WARS2: variants seen among roughly 807,000 people sequenced by gnomAD.
WARS2 encodes tryptophanyl tRNA synthetase 2, mitochondrial, also known as tryptophan--tRNA ligase, mitochondrial.
Under a neutral mutation model 36.5 loss-of-function variants are expected in WARS2, and 28 were observed. That is an observed-to-expected ratio of 0.77 (90% CI 0.57 to 1.05). The LOEUF (loss-of-function observed/expected upper bound fraction) is 1.05. Ranked by LOEUF, WARS2 falls within the 50% of genes least tolerant of loss-of-function variation. WARS2 has a pLI of 0.00. For missense variants in WARS2, 435 were observed against 456.8 expected (o/e 0.95, Z 0.44); for synonymous variants, 174 against 178.4 (o/e 0.98, Z 0.20).
At chr1:119,138,723 C>T (rs901012544) in intron 1 of WARS2, among the ~76,000 whole-genome samples, 3 of 152,044 alleles carry the variant, frequency 2.0e-5, no homozygotes, top group African/African-American at 7.2e-5. Context: ...TTTTCAATGA[C>T]TGAAATTATA....
rs1469923019 is a variant in WARS2, at chr1:119,046,021, TCACACACTCACATACTCA to T, written c.349-377_349-360del. Among the ~76,000 whole-genome samples the T allele has an allele frequency of 1.4e-4, 22 of 152,102 alleles. No homozygotes were observed. The East Asian group carries it at 4.1e-3, about 28-fold the overall frequency. ...CACACACACACTCTCTCTCTCTCTA[TCACACACTCACATACTCA>T]CACACACTCACACACTGGTTCCAAG... On this transcript the variant is annotated intron_variant, in intron 2 of 5. Transcript: ENST00000235521.
At chr1:119,126,378 A>C (rs1173311339) in intron 1 of WARS2, among the ~76,000 whole-genome samples, 1 of 152,194 alleles carries the variant, frequency 6.6e-6, no homozygotes. Context: ...CTTTTTAAAA[A>C]CTTACATAAT....
At chr1:119,103,568 C>CT (rs1239592478) in intron 1 of WARS2, among the ~76,000 whole-genome samples, 1 of 151,926 alleles carries the variant, frequency 6.6e-6, no homozygotes, top group Non-Finnish European at 1.5e-5. Context: ...TGTACTTTAA[C>CT]TTTTTTGTAC....
chr1:119,059,729 G>T (rs921619877), intron 2 of WARS2, among the ~76,000 whole-genome samples: 94 of 152,220 alleles, frequency 6.2e-4, no homozygotes, highest in Non-Finnish European at 5.9e-5. Context: ...TTTTCATTGC[G>T]ATTGTGAGAA....
intron 4 of WARS2, among the ~76,000 whole-genome samples, chr1:119,041,083 T>C (rs1201969342): frequency 6.6e-6 from 1 of 152,244 alleles, no homozygotes; most frequent in Non-Finnish European, 1.5e-5. Flanking sequence ...AAGCAGCTGC[T>C]CTTTTGGCCG....
intron 1 of WARS2, among the ~76,000 whole-genome samples, chr1:119,088,147 T>A (rs1652802915): frequency 6.6e-6 from 1 of 152,038 alleles, no homozygotes; most frequent in Non-Finnish European, 1.5e-5. Context: ...CTGCAGAAAA[T>A]GAGGTACAGA....
chr1:119,140,627 C>T lies in WARS2; in HGVS notation c.18G>A (p.Met6Ile). The T allele has an allele frequency of 6.2e-7, 1 of 1,613,782 alleles. No homozygotes were observed. Among genetic ancestry groups the T allele is most frequent in the Non-Finnish European group, 8.5e-7 (1 of 1,179,814 alleles). The change falls in exon 1 of 6, where the codon ATG becomes ATA. Residue 6 changes from methionine to isoleucine, a missense_variant. Met to Ile is a conservative substitution (Grantham distance 10). Transcript: ENST00000235521. ...AGCTCCAGCGCTCACGCGCTTTCCGCATTGAGTGCAGCGCCATCTTGAGAA... is the reference window on the plus strand; with the variant it reads ...AGCTCCAGCGCTCACGCGCTTTCCGTATTGAGTGCAGCGCCATCTTGAGAA... MALHSMRKARERWSFI... is the reference protein window; with the variant it reads MALHSIRKARERWSFI...
intron 2 of WARS2, among the ~76,000 whole-genome samples, chr1:119,068,854 T>C (rs61312542): frequency 3.4e-5 from 5 of 148,718 alleles, no homozygotes; most frequent in East Asian, 2.0e-4. Context: ...CACACACACA[T>C]ACACACACAC....
intron 1 of WARS2, among the ~76,000 whole-genome samples, chr1:119,077,660 ATTAT>A: frequency 6.6e-6 from 1 of 152,208 alleles, no homozygotes; most frequent in East Asian, 1.9e-4. Flanking sequence ...ATTCTACATA[ATTAT>A]TTAAATTATA....
chr1:119,095,470 C>T (rs1037303755), intron 1 of WARS2, among the ~76,000 whole-genome samples: 1 of 152,160 alleles, frequency 6.6e-6, no homozygotes, highest in African/African-American at 2.4e-5. Context: ...GTCACCCATG[C>T]TGGAGTGCAG....
At chr1:119,131,459 TTTTTTG>T (rs1656091913) in intron 1 of WARS2, among the ~76,000 whole-genome samples, 1 of 78,402 alleles carries the variant, frequency 1.3e-5, no homozygotes, top group East Asian at 2.1e-4. Context: ...AAGTTTTTTG[TTTTTTG>T]TTTTTTTTTT....
chr1:119,057,804 GA>G (rs1571291179), intron 2 of WARS2, among the ~76,000 whole-genome samples: 2 of 151,354 alleles, frequency 1.3e-5, no homozygotes, highest in African/African-American at 4.9e-5. Flanking sequence ...AAAAAAAAAA[GA>G]AAAAAAATTA....
intron 1 of WARS2, among the ~76,000 whole-genome samples, chr1:119,090,225 A>G (rs768088810): frequency 6.6e-6 from 1 of 152,176 alleles, no homozygotes; most frequent in Admixed American, 6.5e-5. Context: ...ATACTATGGA[A>G]TAGATACGAA....
intron 2 of WARS2, among the ~76,000 whole-genome samples, chr1:119,070,459 G>T (rs1306478933): frequency 6.6e-6 from 1 of 152,024 alleles, no homozygotes; most frequent in South Asian, 2.1e-4. Flanking sequence ...TAGAGACAGG[G>T]TTTCACCTTG....
chr1:119,129,262 C>T (rs1374591110), intron 1 of WARS2, among the ~76,000 whole-genome samples: 1 of 152,220 alleles, frequency 6.6e-6, no homozygotes, highest in Non-Finnish European at 1.5e-5. Flanking sequence ...CCTCACCAGA[C>T]GTGGATGTGT....
chr1:119,114,493 A>G (rs1008916140), intron 1 of WARS2, among the ~76,000 whole-genome samples: 2 of 152,222 alleles, frequency 1.3e-5, no homozygotes, highest in African/African-American at 2.4e-5. Context: ...GAGTACTGAC[A>G]GTATCAGTTT....
rs190692029 is a variant in WARS2 at position 119,057,644 on chromosome 1, G to A, written c.349-11982C>T. On this transcript the variant is annotated intron_variant, in intron 2 of 5. Transcript: ENST00000235521. ...GTCTCTACTAACAATATAATCATTA[G>A]CCAGGCATGGTTGCAGGTGCCTGTA... 1.3e-4 allele frequency among the ~76,000 whole-genome samples: 19 copies of A among 151,934 alleles called. No homozygotes were observed. In the East Asian group the frequency reaches 3.8e-3, roughly 30 times the overall value.
Position 119,034,154 on chromosome 1 carries a change from A to G in WARS2, c.575T>C (p.Leu192Pro). The G allele has an allele frequency of 6.2e-7, 1 of 1,614,130 alleles. No homozygotes were observed. Among genetic ancestry groups the G allele is most frequent in the South Asian group, 1.1e-5 (1 of 91,084 alleles). ...ATACTTCTTGTTGAAACCTTGTGCTAGATCCTGAACTAGTTCCATGTGCTG... is the reference window on the plus strand; with the variant it reads ...ATACTTCTTGTTGAAACCTTGTGCTGGATCCTGAACTAGTTCCATGTGCTG... The part of the protein sequence containing the change: ...QVQHMELVQD[L>P]AQGFNKKYGE... Residue 192 changes from leucine (L) to proline (P), a missense_variant, in exon 5 of 6, where the codon CTA (leucine) becomes CCA (proline). Physicochemically the swap from Leu to Pro is moderately conservative, Grantham distance 98 (BLOSUM62 -3). Transcript: ENST00000235521.
At chr1:119,107,699 T>C (rs961979418) in intron 1 of WARS2, among the ~76,000 whole-genome samples, 5 of 147,486 alleles carry the variant, frequency 3.4e-5, no homozygotes, top group African/African-American at 1.3e-4. Flanking sequence ...GAGAGAGAGA[T>C]TAGTTAGGAT....
Sources: allele counts gnomAD v4.1 joint callset (sites outside exome capture counted in the v4.1 genomes callset), GRCh38; gene constraint gnomAD v4.1.1; transcripts MANE v1.5; gene names NCBI Gene and HGNC (gene_info 2026-07-23, HGNC 2026-07-21).